Variants in EGLN3 observed in about 807,000 individuals in gnomAD.
EGLN3 encodes the protein egl-9 family hypoxia inducible factor 3, also known as prolyl hydroxylase EGLN3.
Under a neutral mutation model 26.0 loss-of-function variants are expected in EGLN3, and 15 were observed. The ratio of observed to expected loss-of-function variants is 0.58; its 90% CI spans 0.39 to 0.89. EGLN3 has a LOEUF of 0.89. Ranked by LOEUF, EGLN3 falls within the 40% of genes least tolerant of loss-of-function variation. The pLI is 0.00. For synonymous variants in EGLN3, 147 were observed against 127.2 expected (o/e 1.16, Z -1.05); for missense variants, 238 against 311.6 (o/e 0.76, Z 1.78).
chr14:33,943,241 C>G (rs1222633279), intron 1 of EGLN3, among the ~76,000 whole-genome samples: 1 of 152,220 alleles, frequency 6.6e-6, no homozygotes, highest in Non-Finnish European at 1.5e-5. Context: ...ATCAACGGCT[C>G]CTGGCAATCT....
intron 1 of EGLN3, among the ~76,000 whole-genome samples, chr14:33,940,545 G>A (rs566222258): frequency 6.6e-6 from 1 of 152,182 alleles, no homozygotes; most frequent in South Asian, 2.1e-4. Flanking sequence ...TAGCATGTAT[G>A]AGATCACCTG....
rs1032557648 is a variant in EGLN3, at chr14:33,950,827, G to T, written c.-75C>A. 7.4e-7 allele frequency: 1 copy of T among 1,347,192 alleles called. No individual in the cohort carries two copies. The highest frequency in any genetic ancestry group is 1.5e-5 in the African/African-American group (1 of 68,946). The allele number at this position is 1,347,192 out of a possible 1,614,324, so 83.5% of individuals were successfully genotyped here. ...GAACGATCTACACGAGCGCGAAGCC[G>T]AGGCGCGGGGAGCGTGGCCCGGGGT... On this transcript the variant is annotated 5_prime_UTR_variant, in exon 1 of 5. Transcript: ENST00000250457.
In EGLN3 at chr14:33,924,251, A is replaced by G. The variant is rs2064345535; in HGVS notation, c.*1640T>C. 6.6e-6 allele frequency: 1 copy of G among 152,216 alleles called. No homozygotes were observed. Among genetic ancestry groups the G allele is most frequent in the Non-Finnish European group, 1.5e-5 (1 of 68,032 alleles). The allele number at this position is 152,216 out of a possible 1,614,324, so 9.4% of individuals were successfully genotyped here. ...ATGTAGGAGACTGAGTTTATTCAAC[A>G]AGTATTTACTGAGCCCTTACTATGT... On this transcript the variant is annotated 3_prime_UTR_variant, in exon 5 of 5. Transcript: ENST00000250457.
chr14:33,941,176 G>A (rs117457152), intron 1 of EGLN3, among the ~76,000 whole-genome samples: 1,975 of 152,270 alleles, frequency 0.013, 24 homozygotes, highest in Middle Eastern at 0.027. Context: ...CTAGTGTCAA[G>A]TGGTAGGTGC....
chr14:33,938,335 T>C (rs1276624851), intron 1 of EGLN3, among the ~76,000 whole-genome samples: 3 of 152,210 alleles, frequency 2.0e-5, no homozygotes, highest in Non-Finnish European at 4.4e-5. Context: ...ATTCTTCTCC[T>C]TGGAGGGGAT....
chr14:33,928,980 A>G, intron 3 of EGLN3, 96 bp downstream of exon 3: 2 of 1,467,822 alleles, frequency 1.4e-6, no homozygotes, highest in East Asian at 2.3e-5. Flanking sequence ...GGTGTGGTCA[A>G]TCCCCCACAT....
intron 1 of EGLN3, among the ~76,000 whole-genome samples, chr14:33,941,585 A>G (rs1490968733): frequency 6.7e-6 from 1 of 149,016 alleles, no homozygotes; most frequent in African/African-American, 2.5e-5. Context: ...TTTTTTTTTA[A>G]CATTCAAATA....
At chr14:33,944,690 C>T (rs1011636780) in intron 1 of EGLN3, among the ~76,000 whole-genome samples, 1 of 152,094 alleles carries the variant, frequency 6.6e-6, no homozygotes, top group African/African-American at 2.4e-5. Flanking sequence ...ACTTTTTAAC[C>T]AGAAAAAGAG....
chr14:33,932,164 G>A (rs2064409427), intron 1 of EGLN3, among the ~76,000 whole-genome samples: 2 of 152,186 alleles, frequency 1.3e-5, no homozygotes, highest in South Asian at 4.1e-4. Context: ...AACACAAGAT[G>A]AGGACAGGGA....
In EGLN3 at chr14:33,941,559, C is replaced by A. The variant is rs995034564; in HGVS notation, c.357+8837G>T. On this transcript the variant is annotated intron_variant, in intron 1 of 4. Coordinates refer to ENST00000250457, the MANE Select transcript of EGLN3 (RefSeq NM_022073.4). Reference sequence around the variant, plus strand: ...CCCCGTCATTCCCCTCTATCCCCCCCAAAAAAAATTCTAGCTTTTTTTTTA... The same window carrying A: ...CCCCGTCATTCCCCTCTATCCCCCCAAAAAAAAATTCTAGCTTTTTTTTTA... Among the ~76,000 whole-genome samples, 6 of 150,284 alleles carry A rather than the reference C, an allele frequency of 4.0e-5. No homozygotes were observed. In the East Asian group the frequency reaches 5.9e-4, roughly 15 times the overall value.
chr14:33,930,498 AC>A (rs2064394864), intron 2 of EGLN3, among the ~76,000 whole-genome samples: 1 of 152,226 alleles, frequency 6.6e-6, no homozygotes, highest in South Asian at 2.1e-4. Flanking sequence ...CGGAAAGCAT[AC>A]AGAGTCCAGA....
Position 33,950,647 on chromosome 14 carries a change from C to G in EGLN3, c.106G>C (p.Gly36Arg), listed in dbSNP as rs754468310. The change falls in exon 1 of 5, where the codon GGC becomes CGC. Residue 36 changes from glycine (G) to arginine (R), a missense_variant. Physicochemically the swap from Gly to Arg is moderately radical, Grantham distance 125. Transcript: ENST00000250457. ...VGFCYLDNFL[G>R]EVVGDCVLER... ...AGGACGCAGTCGCCCACCACCTCGC[C>G]CAGGAAGTTGTCCAGGTAGCAGAAG... 1 of 1,614,040 alleles carries G rather than the reference C, an allele frequency of 6.2e-7. No individual in the cohort carries two copies. Among genetic ancestry groups the G allele is most frequent in the Non-Finnish European group, 8.5e-7 (1 of 1,179,958 alleles).
At chr14:33,935,606 CACACACACACACACAT>C (rs1347369577) in intron 1 of EGLN3, among the ~76,000 whole-genome samples, 2 of 137,570 alleles carry the variant, frequency 1.5e-5, no homozygotes, top group African/African-American at 5.2e-5. Context: ...CACACACACA[CACACACACACACACAT>C]ATATATATAT....
rs111710754 is a variant in EGLN3, at chr14:33,942,325, T to C, written c.357+8071A>G. ...AAAAAAAAAAGACAACTTGAGGTTC[T>C]ATAGTGAACCTAAAAAGTAAAACTA... On this transcript the variant is annotated intron_variant, in intron 1 of 4. Transcript: ENST00000250457. 2.7e-3 allele frequency among the ~76,000 whole-genome samples: 402 copies of C among 151,122 alleles called. 2 individuals are homozygous for C. Among genetic ancestry groups the C allele is most frequent in the African/African-American group, 9.1e-3 (378 of 41,334 alleles).
chr14:33,935,837 C>T (rs895742773), intron 1 of EGLN3, among the ~76,000 whole-genome samples: 2 of 152,116 alleles, frequency 1.3e-5, no homozygotes, highest in African/African-American at 4.8e-5. Flanking sequence ...CAAGTCCTTC[C>T]CCCATGTCCA....
At position 33,950,833 on chromosome 14, in the gene EGLN3, C is replaced by T. The variant is rs1204471905; in HGVS notation, c.-81G>A. The T allele has an allele frequency of 1.5e-6, 2 of 1,324,552 alleles. No individual in the cohort carries two copies. The highest frequency in any genetic ancestry group is 2.1e-6 in the Non-Finnish European group (2 of 956,666). 82.0% of individuals were successfully genotyped at this position (1,324,552 alleles called of 1,614,324 possible). A position where few individuals can be genotyped will look rare whatever the true frequency, so the allele number is the denominator to read the frequency against. Reference sequence around the variant, plus strand: ...TCTACACGAGCGCGAAGCCGAGGCGCGGGGAGCGTGGCCCGGGGTTCAGAA... The same window carrying T: ...TCTACACGAGCGCGAAGCCGAGGCGTGGGGAGCGTGGCCCGGGGTTCAGAA... On this transcript the variant is annotated 5_prime_UTR_variant, in exon 1 of 5. Coordinates refer to ENST00000250457, the MANE Select transcript of EGLN3 (RefSeq NM_022073.4).
chr14:33,936,461 T>C (rs1205961510), intron 1 of EGLN3, among the ~76,000 whole-genome samples: 2 of 152,160 alleles, frequency 1.3e-5, no homozygotes, highest in African/African-American at 2.4e-5. Context: ...CTTCCAGGGC[T>C]ATTTTTCTAG....
In EGLN3 at chr14:33,925,900, A is replaced by G; in HGVS notation, c.711T>C (p.Thr237=). ...NLTRKTESAL[T]ED Reference sequence around the variant, plus strand: ...AGATTTCAGAGCACGGTCAGTCTTCAGTGAGGGCAGATTCAGTTTTCCCTG... The same window carrying G: ...AGATTTCAGAGCACGGTCAGTCTTCGGTGAGGGCAGATTCAGTTTTCCCTG... Residue 237 remains threonine, a synonymous_variant, in exon 5 of 5, where the codon ACT becomes ACC. Transcript: ENST00000250457. 1 of 1,613,554 alleles carries G rather than the reference A, an allele frequency of 6.2e-7. No individual in the cohort carries two copies. Among genetic ancestry groups the G allele is most frequent in the Non-Finnish European group, 8.5e-7 (1 of 1,179,774 alleles).
chr14:33,935,850 C>T (rs544328694), intron 1 of EGLN3, among the ~76,000 whole-genome samples: 1 of 152,236 alleles, frequency 6.6e-6, no homozygotes, highest in East Asian at 1.9e-4. Flanking sequence ...CATGTCCACC[C>T]AGTACAGAGC....
Sources: allele counts gnomAD v4.1 joint callset (sites outside exome capture counted in the v4.1 genomes callset), GRCh38; gene constraint gnomAD v4.1.1; transcripts MANE v1.5; gene names NCBI Gene and HGNC (gene_info 2026-07-23, HGNC 2026-07-21).